KYAT1: variants seen among roughly 807,000 people sequenced by gnomAD.
The protein encoded by KYAT1 is kynurenine aminotransferase 1, also known as kynurenine--oxoglutarate transaminase 1.
In KYAT1, 47 loss-of-function variants were observed where a neutral mutation model predicts 52.4. The ratio of observed to expected loss-of-function variants is 0.90; its 90% CI spans 0.71 to 1.14. The LOEUF (loss-of-function observed/expected upper bound fraction) is 1.14. Ranked by LOEUF, KYAT1 falls within the 50% of genes most tolerant of loss-of-function variation. The pLI, the probability that KYAT1 is intolerant of heterozygous loss-of-function variation, is 0.00. For missense variants in KYAT1, 480 were observed against 557.9 expected (o/e 0.86, Z 1.41); for synonymous variants, 212 against 209.6 (o/e 1.01, Z -0.10).
At chr9:128,849,075 A>G (rs1055841926) in intron 1 of KYAT1, among the ~76,000 whole-genome samples, 2 of 151,352 alleles carry the variant, frequency 1.3e-5, no homozygotes, top group East Asian at 3.9e-4. Context: ...AGATCGTGCC[A>G]CTGTACTCCA....
intron 6 of KYAT1, among the ~76,000 whole-genome samples, chr9:128,837,313 G>A (rs924433793): frequency 6.6e-5 from 10 of 152,292 alleles, no homozygotes; most frequent in Admixed American, 1.3e-4. Flanking sequence ...AATAAATGGC[G>A]AATACAGCCA....
intron 11 of KYAT1, 121 bp downstream of exon 11, chr9:128,835,202 C>G (rs1318160457): frequency 1.5e-5 from 12 of 818,276 alleles, no homozygotes; most frequent in Non-Finnish European, 2.4e-5. Context: ...TACAACCCTG[C>G]CCCAAGGTTG....
rs117461501 is a variant in KYAT1, at chr9:128,871,309, C to A, written c.-7+10588G>T. Among the ~76,000 whole-genome samples, 1,114 of 151,462 alleles carry A rather than the reference C, an allele frequency of 7.4e-3. 8 individuals are homozygous for A. The highest frequency in any genetic ancestry group is 0.019 in the African/African-American group (788 of 41,146). ...CTCCAGCTTGGGAGACAGAGTGAGA[C>A]CTTGTCTTAAAACAAAACAAAACAA... On this transcript the variant is annotated intron_variant, in intron 1 of 12. Coordinates refer to ENST00000302586, the MANE Select transcript of KYAT1 (RefSeq NM_004059.5).
chr9:128,838,296 G>A lies in KYAT1; in HGVS notation c.273C>T (p.Leu91=), dbSNP rs1335847141. 3 of 1,614,178 alleles carry A rather than the reference G, an allele frequency of 1.9e-6. No individual in the cohort carries two copies. The highest frequency in any genetic ancestry group is 1.3e-5 in the African/African-American group (1 of 75,040). ...CACCAACAGTCACCAGCACATTCCT[G>A]AGCGGGTCTATCTCCTGACCCAGCA... ...GELLGQEIDP[L]RNVLVTVGGY... The change falls in exon 4 of 13, where the codon CTC becomes CTT. Residue 91 remains leucine, a synonymous_variant. Transcript: ENST00000302586.
intron 3 of KYAT1, among the ~76,000 whole-genome samples, chr9:128,838,804 G>T (rs924069115): frequency 6.6e-6 from 1 of 152,220 alleles, no homozygotes; most frequent in Non-Finnish European, 1.5e-5. Flanking sequence ...GAGAACCAGA[G>T]GAAGTGCTTG....
chr9:128,842,880 C>T (rs985200925), intron 2 of KYAT1, 79 bp from the exon 3 acceptor site: 10 of 1,475,746 alleles, frequency 6.8e-6, no homozygotes, highest in Non-Finnish European at 9.2e-6. Flanking sequence ...AAAAACTGGA[C>T]AACCGGCCAG....
chr9:128,880,543 G>C (rs1838677131), intron 1 of KYAT1, among the ~76,000 whole-genome samples: 1 of 151,878 alleles, frequency 6.6e-6, no homozygotes, highest in African/African-American at 2.4e-5. Flanking sequence ...CCAGGTTCAT[G>C]CCATTCTCCT....
At chr9:128,871,940 A>G (rs1191347302) in intron 1 of KYAT1, among the ~76,000 whole-genome samples, 1 of 151,012 alleles carries the variant, frequency 6.6e-6, no homozygotes, top group African/African-American at 2.4e-5. Flanking sequence ...ATCCTGGCCA[A>G]CATGGTGAAA....
At chr9:128,867,851 C>G (rs1196316865) in intron 1 of KYAT1, among the ~76,000 whole-genome samples, 3 of 152,218 alleles carry the variant, frequency 2.0e-5, no homozygotes, top group African/African-American at 7.2e-5. Context: ...TGGCTCACTG[C>G]AAGCTCTGCC....
chr9:128,864,062 C>T (rs538565124), intron 1 of KYAT1, among the ~76,000 whole-genome samples: 36 of 152,120 alleles, frequency 2.4e-4, no homozygotes, highest in African/African-American at 8.2e-4. Flanking sequence ...CACGTCCCAC[C>T]ACTTAAAAAT....
intron 1 of KYAT1, among the ~76,000 whole-genome samples, chr9:128,867,328 C>T (rs936895816): frequency 5.3e-5 from 8 of 152,206 alleles, no homozygotes; most frequent in African/African-American, 4.8e-5. Flanking sequence ...CACATGTGCA[C>T]GCCACCATGC....
intron 1 of KYAT1, among the ~76,000 whole-genome samples, chr9:128,868,482 C>T (rs1836733132): frequency 6.6e-6 from 1 of 152,112 alleles, no homozygotes; most frequent in Non-Finnish European, 1.5e-5. Context: ...GCCTCGACAT[C>T]CTGAGCTCAG....
chr9:128,848,101 C>T (rs183133140), intron 1 of KYAT1, among the ~76,000 whole-genome samples: 16 of 152,210 alleles, frequency 1.1e-4, no homozygotes, highest in Middle Eastern at 3.4e-3. Flanking sequence ...AGGAGGATCT[C>T]TTGAGCCCAG....
upstream of KYAT1, chr9:128,882,472 G>C: frequency 2.7e-6 from 1 of 376,228 alleles, no homozygotes; most frequent in Admixed American, 4.6e-5. Flanking sequence ...CGGCGCGCGA[G>C]CCCCCTCCCA....
chr9:128,875,238 GT>G (rs937445820), intron 1 of KYAT1, among the ~76,000 whole-genome samples: 309 of 127,724 alleles, frequency 2.4e-3, no homozygotes, highest in African/African-American at 8.8e-3. Context: ...TGTTCAATTT[GT>G]TTTTTTTTGT....
chr9:128,864,991 C>T (rs1010113713), intron 1 of KYAT1, among the ~76,000 whole-genome samples: 16 of 151,620 alleles, frequency 1.1e-4, no homozygotes, highest in Non-Finnish European at 1.5e-4. Flanking sequence ...GCAAGAGAGG[C>T]CAAGGCAGGA....
Position 128,835,660 on chromosome 9 carries a change from A to C in KYAT1, c.863T>G (p.Val288Gly), listed in dbSNP as rs372740953. The part of the protein sequence containing the change: ...FHCPTQSQAA[V>G]AESFEREQLL... ...CTGCTCCCGTTCAAAGCTCTCGGCT[A>C]CTGCAGCCTGGGCAGGGCAGATGGA... The change falls in exon 10 of 13, where the codon GTA becomes GGA. Residue 288 changes from valine to glycine, a missense_variant. Val to Gly is a moderately radical substitution (Grantham distance 109, BLOSUM62 -3). Transcript: ENST00000302586. 7 of 1,609,954 alleles carry C rather than the reference A, an allele frequency of 4.3e-6. No individual in the cohort carries two copies. In the African/African-American group the frequency reaches 9.3e-5, roughly 21 times the overall value.
rs150706505 is a variant in KYAT1, at chr9:128,875,078, A to G, written c.-7+6819T>C. The stretch of plus-strand genomic sequence containing the variant: ...CTGGTATTATTTCCTCTGGGTCATT[A>G]TCTTTTTCTTTAGAACCACTTTCCT... On this transcript the variant is annotated intron_variant, in intron 1 of 12. Coordinates refer to ENST00000302586, the MANE Select transcript of KYAT1 (RefSeq NM_004059.5). Among the ~76,000 whole-genome samples the G allele has an allele frequency of 3.3e-3, 500 of 152,054 alleles. 2 individuals carry two copies. Among genetic ancestry groups the G allele is most frequent in the African/African-American group, 0.011 (462 of 41,500 alleles).
chr9:128,847,419 G>A (rs1833278461), intron 1 of KYAT1: 1 of 1,522,364 alleles, frequency 6.6e-7, no homozygotes, highest in African/African-American at 1.4e-5. Context: ...GAGTATTGGG[G>A]TTAGGGCACT....
Sources: allele counts gnomAD v4.1 joint callset (sites outside exome capture counted in the v4.1 genomes callset), GRCh38; gene constraint gnomAD v4.1.1; transcripts MANE v1.5; gene names NCBI Gene and HGNC (gene_info 2026-07-23, HGNC 2026-07-21).